The following DNAH10 variants were observed in gnomAD, a reference collection of about 807,000 sequenced individuals.
The protein encoded by DNAH10 is axonemal beta dynein heavy chain 10.
In DNAH10, 348 loss-of-function variants were observed where a neutral mutation model predicts 506.6. That is an observed-to-expected ratio of 0.69 (90% confidence interval 0.63 to 0.75). The LOEUF is 0.75. DNAH10 is among the 30% of genes least tolerant of loss of function. The probability of loss-of-function intolerance (pLI) is 0.00; values close to 1 mark genes in which losing one functional copy is unlikely to be tolerated. For synonymous variants in DNAH10, 2,059 were observed against 2,198.6 expected, an observed-to-expected ratio of 0.94 and a Z score of 1.78; for missense variants, 5,179 against 5,787.1, an observed-to-expected ratio of 0.89 and a Z score of 3.41.
chr12:123,779,730 A>G (rs1022321), intron 5 of DNAH10, among the ~76,000 whole-genome samples: 113,127 of 152,050 alleles, frequency 0.74, 42,833 homozygotes, highest in East Asian at 1. Context: ...AGGAACTTCA[A>G]CTGCACAGTG....
chr12:123,882,514 C>T (rs1202565584), intron 51 of DNAH10, among the ~76,000 whole-genome samples: 3 of 152,108 alleles, frequency 2.0e-5, no homozygotes, highest in Admixed American at 6.5e-5. Flanking sequence ...TGGCTTCGGC[C>T]GGGCGTGGTG....
chr12:123,766,641 C>T lies in DNAH10; in HGVS notation c.215-965C>T, dbSNP rs148959655. On this transcript the variant is annotated intron_variant, in intron 1 of 78. Coordinates refer to ENST00000673944, the MANE Select transcript of DNAH10 (RefSeq NM_001372106.1). ...CTATCCTTGCATACTTTGTGTATTT[C>T]TGGAGGATAGATTTATAAAAATGAA... Among the ~76,000 whole-genome samples, 7 of 152,230 alleles carry T rather than the reference C, an allele frequency of 4.6e-5. No individual in the cohort carries two copies. In the East Asian group the frequency reaches 9.6e-4, roughly 21 times the overall value.
In DNAH10 at chr12:123,898,706, C is replaced by T; in HGVS notation, c.9532C>T (p.Gln3178Ter). Residue 3178 changes from glutamine (Q) to a stop codon, truncating the protein, a stop_gained, in exon 56 of 79, where the codon CAG becomes TAG. Transcript: ENST00000673944. LOFTEE classifies it high-confidence loss of function. ...GGACAAGCTGAAGGAGGCCACCATCCAGCTGGACGAGCTGAACCAGAAGCT... is the reference window on the plus strand; with the variant it reads ...GGACAAGCTGAAGGAGGCCACCATCTAGCTGGACGAGCTGAACCAGAAGCT... Reference protein sequence around the residue: ...GLDKLKEATIQLDELNQKLAE... With the variant: ...GLDKLKEATI The T allele has an allele frequency of 6.2e-7, 1 of 1,602,618 alleles. No homozygotes were observed. The highest frequency in any genetic ancestry group is 8.5e-7 in the Non-Finnish European group (1 of 1,174,986).
chr12:123,893,125 G>T lies in DNAH10; in HGVS notation c.8996-108G>T, dbSNP rs1953062186. 22 of 1,202,562 alleles carry T rather than the reference G, an allele frequency of 1.8e-5. No homozygotes were observed. The South Asian group carries it at 3.0e-4, about 17-fold the overall frequency. 74.5% of individuals were successfully genotyped at this position (1,202,562 alleles called of 1,614,324 possible). A position where few individuals can be genotyped will look rare whatever the true frequency, so the allele number is the denominator to read the frequency against. Reference sequence around the variant, plus strand: ...AGGTCAGGCCCACACGCTGCTCTCTGGACTCAGCACCTGCTGATCTTTCCA... The same window carrying T: ...AGGTCAGGCCCACACGCTGCTCTCTTGACTCAGCACCTGCTGATCTTTCCA... On this transcript the variant is annotated intron_variant, in intron 52 of 78. Transcript: ENST00000673944.
intron 21 of DNAH10, among the ~76,000 whole-genome samples, chr12:123,817,414 G>T (rs1367767596): frequency 6.6e-6 from 1 of 151,002 alleles, no homozygotes; most frequent in Non-Finnish European, 1.5e-5. Context: ...CTAATACTTT[G>T]TCCTAAACTT....
intron 30 of DNAH10, among the ~76,000 whole-genome samples, chr12:123,842,093 TG>T (rs1386894048): frequency 6.6e-6 from 1 of 152,178 alleles, no homozygotes; most frequent in East Asian, 1.9e-4. Flanking sequence ...ACAGGGCCCC[TG>T]GGATTGTTAG....
intron 56 of DNAH10, among the ~76,000 whole-genome samples, chr12:123,899,457 C>T (rs532906483): frequency 8.7e-4 from 132 of 152,312 alleles, no homozygotes; most frequent in Admixed American, 3.2e-3. Context: ...CCTTCTCCTG[C>T]TGGTCCGTGT....
chr12:123,871,525 AT>A lies in DNAH10; in HGVS notation c.7713del (p.Phe2571LeufsTer20). 3 of 1,557,790 alleles carry A rather than the reference AT, an allele frequency of 1.9e-6. No homozygotes were observed. Among genetic ancestry groups the A allele is most frequent in the South Asian group, 1.2e-5 (1 of 84,506 alleles). ...EQMVKIKQPV[I>X]FVGESGTSKT... Reference sequence around the variant, plus strand: ...AATGGTTAAAATTAAGCAACCTGTTATTTTTGTTGGTGAATCTGGCACTTCT... The same window carrying A: ...AATGGTTAAAATTAAGCAACCTGTTATTTTGTTGGTGAATCTGGCACTTCT... On this transcript the variant is annotated frameshift_variant, in exon 45 of 79. Coordinates refer to ENST00000673944, the MANE Select transcript of DNAH10 (RefSeq NM_001372106.1). LOFTEE classifies it high-confidence loss of function.
chr12:123,841,309 T>G lies in DNAH10; in HGVS notation c.5137-13T>G, dbSNP rs1362934072. The G allele has an allele frequency of 6.2e-7, 1 of 1,613,096 alleles. No individual in the cohort carries two copies. Among genetic ancestry groups the G allele is most frequent in the South Asian group, 1.1e-5 (1 of 91,060 alleles). On this transcript the variant is annotated splice_polypyrimidine_tract_variant and intron_variant, in intron 29 of 78. Coordinates refer to ENST00000673944, the MANE Select transcript of DNAH10 (RefSeq NM_001372106.1). ...CGTGCAGGTCTTACAGGGCTGCCTC[T>G]CCCTGTTTGCAGATGTACGACAACA... is the stretch of plus-strand genomic sequence containing the variant.
intron 52 of DNAH10, among the ~76,000 whole-genome samples, chr12:123,888,040 G>A (rs1453059775): frequency 3.3e-5 from 5 of 152,130 alleles, no homozygotes; most frequent in Non-Finnish European, 7.3e-5. Context: ...CACCGTGCCT[G>A]GCACAAAAAT....
In DNAH10 at chr12:123,879,725, A is replaced by G. The variant is rs901858516; in HGVS notation, c.8558A>G (p.Gln2853Arg). The change falls in exon 50 of 79, where the codon CAG (glutamine) becomes CGG (arginine). Residue 2853 changes from glutamine to arginine, a missense_variant. Around this residue, in one of 3 missense-constraint regions of DNAH10, gnomAD observed 4,844 missense variants for 5,430.5 expected, o/e 0.89. Coordinates refer to ENST00000673944, the MANE Select transcript of DNAH10 (RefSeq NM_001372106.1). Reference sequence around the variant, plus strand: ...GATCCCATATTGTTTGGAGACTTCCAGATGGCTCTGCACGAAGGAGAACCA... The same window carrying G: ...GATCCCATATTGTTTGGAGACTTCCGGATGGCTCTGCACGAAGGAGAACCA... ...MRDPILFGDF[Q>R]MALHEGEPRI... The G allele has an allele frequency of 2.5e-6, 4 of 1,613,928 alleles. No homozygotes were observed. The highest frequency in any genetic ancestry group is 3.4e-6 in the Non-Finnish European group (4 of 1,179,902).
chr12:123,912,626 G>C (rs544984585), intron 59 of DNAH10, among the ~76,000 whole-genome samples: 122 of 152,296 alleles, frequency 8.0e-4, no homozygotes, highest in African/African-American at 2.8e-3. Context: ...TCCCCTGGGG[G>C]ACAAAACCTA....
At position 123,762,639 on chromosome 12, in the gene DNAH10, C is replaced by A; in HGVS notation, c.214+89C>A. On this transcript the variant is annotated intron_variant, in intron 1 of 78. Coordinates refer to ENST00000673944, the MANE Select transcript of DNAH10 (RefSeq NM_001372106.1). This position sits in a 1 kb window ranked among gnomAD's most constrained non-coding sequence, Gnocchi z 5.0. ...GGGCGCCGGGGCTGCTAGAGCCTGC[C>A]CATCGTCCGGCCCCGGCCTCAGGTG... 3 of 1,368,960 alleles carry A rather than the reference C, an allele frequency of 2.2e-6. No individual in the cohort carries two copies. Among genetic ancestry groups the A allele is most frequent in the Non-Finnish European group, 2.0e-6 (2 of 1,022,628 alleles). 84.8% of individuals were successfully genotyped at this position (1,368,960 alleles called of 1,614,324 possible).
chr12:123,890,716 G>A (rs1371477818), intron 52 of DNAH10, among the ~76,000 whole-genome samples: 1 of 152,186 alleles, frequency 6.6e-6, no homozygotes, highest in East Asian at 1.9e-4. Context: ...GCGATTGGAG[G>A]AGGGTAGGGC....
At position 123,796,838 on chromosome 12, in the gene DNAH10, T is replaced by C. The variant is rs371283764; in HGVS notation, c.2163+6T>C. The C allele has an allele frequency of 1.4e-5, 23 of 1,587,956 alleles. No homozygotes were observed. The African/African-American group carries it at 2.7e-4, about 19-fold the overall frequency. On this transcript the variant is annotated splice_donor_region_variant and intron_variant, in intron 13 of 78. Transcript: ENST00000673944. Reference sequence around the variant, plus strand: ...ACAGTGATCGAGGACAGGAGGTATGTTGCTCTTGCTAGAATTGGCTCCTTT... The same window carrying C: ...ACAGTGATCGAGGACAGGAGGTATGCTGCTCTTGCTAGAATTGGCTCCTTT...
intron 51 of DNAH10, among the ~76,000 whole-genome samples, chr12:123,884,674 G>T (rs1217975818): frequency 6.6e-6 from 1 of 152,172 alleles, no homozygotes; most frequent in Non-Finnish European, 1.5e-5. Flanking sequence ...CACATTGGGG[G>T]TTATGATTTC....
chr12:123,909,367 G>T lies in DNAH10; in HGVS notation c.9922G>T (p.Asp3308Tyr). 6.2e-7 allele frequency: 1 copy of T among 1,611,708 alleles called. No homozygotes were observed. Among genetic ancestry groups the T allele is most frequent in the East Asian group, 2.2e-5 (1 of 44,840 alleles). ...GAAAACAGCCAAGGGCGTGATGTCC[G>T]ACCCGAATTTCCTGCGGTCTCTGAT... ...NWKTAKGVMSDPNFLRSLMEI... is the reference protein window; with the variant it reads ...NWKTAKGVMSYPNFLRSLMEI... Residue 3308 changes from aspartate (D) to tyrosine (Y), a missense_variant, in exon 58 of 79, where the codon GAC (aspartate) becomes TAC (tyrosine). Physicochemically the swap from Asp to Tyr is radical, Grantham distance 160. This residue lies in a region of DNAH10 where 4,844 missense variants were observed against 5,430.5 expected (regional missense o/e 0.89). Transcript: ENST00000673944. The surrounding 1 kb of genome is among the most constrained non-coding windows in gnomAD (Gnocchi z 5.4).
At chr12:123,783,321 G>C in intron 7 of DNAH10, 57 bp downstream of exon 7, 2 of 1,597,204 alleles carry the variant, frequency 1.3e-6, no homozygotes, top group Non-Finnish European at 1.7e-6. Context: ...ACCATGCTGG[G>C]AAAGAGCCCG....
At chr12:123,768,560 G>A (rs1453930622) in intron 2 of DNAH10, among the ~76,000 whole-genome samples, 2 of 152,136 alleles carry the variant, frequency 1.3e-5, no homozygotes, top group African/African-American at 4.8e-5. Flanking sequence ...ACAGCTTTAG[G>A]ACATGCATTG....
Sources: allele counts gnomAD v4.1 joint callset (sites outside exome capture counted in the v4.1 genomes callset), GRCh38; gene constraint gnomAD v4.1.1; regional missense constraint gnomAD v4.1.1; non-coding constraint Gnocchi (gnomAD v3.1); transcripts MANE v1.5; gene names NCBI Gene and HGNC (gene_info 2026-07-23, HGNC 2026-07-21).